The following RIMS2 variants were observed in gnomAD, a reference collection of about 807,000 sequenced individuals.
RIMS2 encodes regulating synaptic membrane exocytosis 2, also known as regulating synaptic membrane exocytosis protein 2.
RIMS2 carries 59 observed loss-of-function variants against 174.4 expected under a neutral mutation model. The observed-to-expected ratio is 0.34, with a 90% CI of 0.27 to 0.42. RIMS2 has a LOEUF of 0.42. Ranked by LOEUF, RIMS2 falls within the 10% of genes least tolerant of loss-of-function variation. The probability of loss-of-function intolerance (pLI) is 1.00; values close to 1 mark genes in which losing one functional copy is unlikely to be tolerated. For synonymous variants in RIMS2, 606 were observed against 572.5 expected (o/e 1.06, Z -0.84); for missense variants, 1,620 against 1,666.3 (o/e 0.97, Z 0.48).
intron 3 of RIMS2, among the ~76,000 whole-genome samples, chr8:103,782,788 T>C (rs1174515650): frequency 6.6e-6 from 1 of 152,186 alleles, no homozygotes; most frequent in African/African-American, 2.4e-5. Context: ...GTTTTTTCTT[T>C]TAAAACTCTG....
chr8:104,144,897 C>T (rs2098619902), intron 19 of RIMS2, among the ~76,000 whole-genome samples: 1 of 152,066 alleles, frequency 6.6e-6, no homozygotes, highest in East Asian at 1.9e-4. Context: ...TTACCTGTGT[C>T]CCCTAGTAGT....
intron 17 of RIMS2, among the ~76,000 whole-genome samples, chr8:104,011,207 A>G (rs2095752342): frequency 3.9e-5 from 6 of 152,114 alleles, no homozygotes; most frequent in Admixed American, 3.9e-4. Flanking sequence ...AGCCTGTGTC[A>G]GCCTTCTCTT....
At chr8:104,161,839 G>C (rs56196526) in intron 19 of RIMS2, among the ~76,000 whole-genome samples, 40,762 of 152,164 alleles carry the variant, frequency 0.27, 5,776 homozygotes, top group Non-Finnish European at 0.32. Context: ...GCGGAGCTCA[G>C]TGCCTTGTGG....
intron 3 of RIMS2, among the ~76,000 whole-genome samples, chr8:103,798,344 G>A (rs61589769): frequency 0.048 from 7,323 of 152,120 alleles, 585 homozygotes; most frequent in African/African-American, 0.17. Flanking sequence ...GGAAATTTGG[G>A]AGAAGTTTTG....
At chr8:103,829,355 C>T (rs1170307868) in intron 3 of RIMS2, among the ~76,000 whole-genome samples, 2 of 152,124 alleles carry the variant, frequency 1.3e-5, no homozygotes, top group Non-Finnish European at 2.9e-5. Flanking sequence ...CCAGCAATCC[C>T]ATTACTGGGT....
rs367988568 is a variant in RIMS2 at position 103,558,839 on chromosome 8, ATTTCCTT to A, written c.176+57782_176+57788del. Among the ~76,000 whole-genome samples, 204 of 152,168 alleles carry A rather than the reference ATTTCCTT, an allele frequency of 1.3e-3. 1 individual carries two copies. The highest frequency in any genetic ancestry group is 4.6e-3 in the African/African-American group (191 of 41,516). On this transcript the variant is annotated intron_variant, in intron 1 of 23. Transcript: ENST00000504942. ...AAATGTAAATTAAAAATACAAACAA[ATTTCCTT>A]TTTCAAGTACTTTTAAAAAACAAGC...
chr8:103,727,287 ACT>A (rs2097538077), intron 2 of RIMS2, among the ~76,000 whole-genome samples: 2 of 152,130 alleles, frequency 1.3e-5, no homozygotes, highest in South Asian at 4.1e-4. Context: ...CATTAGCTAG[ACT>A]CTTCAGAATA....
intron 4 of RIMS2, among the ~76,000 whole-genome samples, chr8:103,897,537 T>C (rs1245564743): frequency 1.3e-5 from 2 of 151,750 alleles, no homozygotes; most frequent in African/African-American, 4.9e-5. Context: ...GATGCTCAAA[T>C]ATGGATCACT....
intron 19 of RIMS2, among the ~76,000 whole-genome samples, chr8:104,109,507 G>T (rs1274774884): frequency 1.3e-5 from 2 of 150,520 alleles, no homozygotes; most frequent in Admixed American, 6.6e-5. Flanking sequence ...TTTTTAGAGG[G>T]TTGTCATGAG....
At chr8:103,964,506 T>C (rs749804179) in intron 15 of RIMS2, among the ~76,000 whole-genome samples, 5 of 152,168 alleles carry the variant, frequency 3.3e-5, no homozygotes, top group Non-Finnish European at 5.9e-5. Context: ...TATTTTTTAA[T>C]TGGGTTGTTT....
chr8:103,717,868 A>G (rs1405643693), intron 2 of RIMS2, among the ~76,000 whole-genome samples: 1 of 152,230 alleles, frequency 6.6e-6, no homozygotes, highest in Admixed American at 6.5e-5. Flanking sequence ...TTCTAGTCAC[A>G]TATAGCTAGC....
At chr8:104,007,440 G>A (rs1033601537) in intron 17 of RIMS2, among the ~76,000 whole-genome samples, 4 of 152,006 alleles carry the variant, frequency 2.6e-5, no homozygotes, top group Non-Finnish European at 5.9e-5. Flanking sequence ...TGTCATAAAC[G>A]GATTCCGATC....
chr8:103,575,701 C>T (rs10093188), intron 1 of RIMS2, among the ~76,000 whole-genome samples: 10 of 106,682 alleles, frequency 9.4e-5, no homozygotes, highest in East Asian at 6.0e-4. Context: ...TATATATATA[C>T]ACATACAGCA....
intron 19 of RIMS2, among the ~76,000 whole-genome samples, chr8:104,197,225 G>T (rs1006274512): frequency 6.6e-6 from 1 of 150,650 alleles, no homozygotes; most frequent in Non-Finnish European, 1.5e-5. Context: ...GCCCAGGCTG[G>T]AGTACAATGG....
rs1163074492 is a variant in RIMS2, at chr8:103,697,303, A to G, written c.387+7A>G. Reference sequence around the variant, plus strand: ...GTCATTACGCTCAAACAAGGTACAGAAATGAAAATTACAGTTCTCTTCTAG... The same window carrying G: ...GTCATTACGCTCAAACAAGGTACAGGAATGAAAATTACAGTTCTCTTCTAG... On this transcript the variant is annotated splice_region_variant and intron_variant, in intron 2 of 23. Transcript: ENST00000504942. The G allele has an allele frequency of 2.5e-6, 4 of 1,602,190 alleles. No homozygotes were observed. The Middle Eastern group carries it at 6.6e-4, about 265-fold the overall frequency.
chr8:104,252,906 T>G (rs1168556305), downstream of RIMS2: 5 of 152,164 alleles, frequency 3.3e-5, no homozygotes, highest in African/African-American at 1.2e-4. Flanking sequence ...TACTAAAAAA[T>G]TACAAGTTTT....
At chr8:104,117,557 T>A (rs2098298450) in intron 19 of RIMS2, among the ~76,000 whole-genome samples, 3 of 152,074 alleles carry the variant, frequency 2.0e-5, no homozygotes, top group Admixed American at 1.3e-4. Context: ...TCCAGGCTGG[T>A]CTTGAAATCC....
At chr8:104,181,864 G>T (rs1403051388) in intron 19 of RIMS2, among the ~76,000 whole-genome samples, 1 of 151,506 alleles carries the variant, frequency 6.6e-6, no homozygotes, top group African/African-American at 2.4e-5. Flanking sequence ...TGTTTACATA[G>T]CCTTTTATTT....
chr8:104,146,079 T>C (rs1307552697), intron 19 of RIMS2, among the ~76,000 whole-genome samples: 1 of 151,184 alleles, frequency 6.6e-6, no homozygotes, highest in Admixed American at 6.6e-5. Context: ...AATAACCCCT[T>C]TTGGGCCAGG....
Sources: gnomAD v4.1 joint callset for allele counts (sites outside exome capture counted in the v4.1 genomes callset) on GRCh38, gnomAD v4.1.1 for gene constraint, MANE v1.5 for transcripts, NCBI Gene and HGNC (gene_info 2026-07-23, HGNC 2026-07-21) for gene names.